The following NPHP4 variants were observed in gnomAD, a reference collection of about 807,000 sequenced individuals.
The protein encoded by NPHP4 is nephrocystin-4.
A neutral mutation model predicts 155.8 loss-of-function variants in NPHP4; 151 were observed. That is an observed-to-expected ratio of 0.97 (90% CI 0.85 to 1.11). The LOEUF is 1.11. NPHP4 is among the 50% of genes least tolerant of loss of function. NPHP4 has a pLI of 0.00. For missense variants in NPHP4, 1,956 were observed against 1,925.7 expected, an observed-to-expected ratio of 1.02 and a Z score of -0.29; for synonymous variants, 845 against 816.8, an observed-to-expected ratio of 1.03 and a Z score of -0.59.
intron 3 of NPHP4, among the ~76,000 whole-genome samples, chr1:5,972,966 C>T (rs1178683543): frequency 2.0e-5 from 3 of 152,172 alleles, no homozygotes; most frequent in South Asian, 4.2e-4. Context: ...CTCACTGCAA[C>T]CTCCACCCGC....
rs1000969578 is a variant in NPHP4, at chr1:5,867,897, C to G, written c.3316-1G>C. On this transcript the variant is annotated splice_acceptor_variant, in intron 23 of 29. Coordinates refer to ENST00000378156, the MANE Select transcript of NPHP4 (RefSeq NM_015102.5). LOFTEE classifies it high-confidence loss of function. The surrounding 1 kb of genome is among the most constrained non-coding windows in gnomAD (Gnocchi z 4.1). ...TGCCACCACTCGCTCGGAACAAGAC[C>G]TGTGAGGAGGCCACGCTGAGTGTTG... The G allele has an allele frequency of 6.2e-6, 10 of 1,614,004 alleles. No individual in the cohort carries two copies. Among genetic ancestry groups the G allele is most frequent in the Non-Finnish European group, 8.5e-6 (10 of 1,179,892 alleles).
intron 7 of NPHP4, among the ~76,000 whole-genome samples, chr1:5,948,532 G>A (rs565071074): frequency 1.2e-4 from 19 of 152,180 alleles, no homozygotes; most frequent in African/African-American, 3.9e-4. Flanking sequence ...CCCAAAACCC[G>A]ACACTAGCTT....
intron 6 of NPHP4, among the ~76,000 whole-genome samples, chr1:5,953,924 T>C (rs987131486): frequency 1.3e-5 from 2 of 152,164 alleles, no homozygotes; most frequent in African/African-American, 2.4e-5. Context: ...CTTTTACTTA[T>C]GTAGATATGT....
chr1:5,899,862 A>G lies in NPHP4; in HGVS notation c.2143+4755T>C, dbSNP rs1644585443. On this transcript the variant is annotated intron_variant, in intron 16 of 29. Coordinates refer to ENST00000378156, the MANE Select transcript of NPHP4 (RefSeq NM_015102.5). Reference sequence around the variant, plus strand: ...AACATTTGCAAAATACGTATCTGATAAAGGACTTGCATCCAAAATATAAAA... The same window carrying G: ...AACATTTGCAAAATACGTATCTGATGAAGGACTTGCATCCAAAATATAAAA... 1.3e-5 allele frequency among the ~76,000 whole-genome samples: 2 copies of G among 152,240 alleles called. 1 individual carries two copies. The highest frequency in any genetic ancestry group is 1.3e-4 in the Admixed American group (2 of 15,280).
At chr1:5,937,433 C>T (rs1052019499) in intron 9 of NPHP4, among the ~76,000 whole-genome samples, 2 of 152,240 alleles carry the variant, frequency 1.3e-5, no homozygotes, top group Admixed American at 6.5e-5. Flanking sequence ...TCAACCTGAA[C>T]TTACTTAGAC....
chr1:5,903,662 C>T (rs559957178), intron 16 of NPHP4, among the ~76,000 whole-genome samples: 67 of 152,306 alleles, frequency 4.4e-4, no homozygotes, highest in Middle Eastern at 3.4e-3. Context: ...CATGTAATTA[C>T]TTCAGAAATT....
At chr1:5,902,812 T>C in intron 16 of NPHP4, among the ~76,000 whole-genome samples, 1 of 152,244 alleles carries the variant, frequency 6.6e-6, no homozygotes, top group East Asian at 1.9e-4. Context: ...TAATTACGCA[T>C]TTCTATTTTG....
At chr1:5,941,651 TG>T (rs1274536583) in intron 9 of NPHP4, among the ~76,000 whole-genome samples, 3 of 152,242 alleles carry the variant, frequency 2.0e-5, no homozygotes, top group Non-Finnish European at 4.4e-5. Context: ...AAGCATCTTC[TG>T]AAGCCAGAAA....
At chr1:5,946,663 G>C (rs1647115500) in intron 9 of NPHP4, among the ~76,000 whole-genome samples, 1 of 152,234 alleles carries the variant, frequency 6.6e-6, no homozygotes, top group South Asian at 2.1e-4. Flanking sequence ...GACTGTGGCT[G>C]GTAGCCCCTA....
chr1:5,961,155 G>C (rs1277400979), intron 6 of NPHP4, among the ~76,000 whole-genome samples: 1 of 152,196 alleles, frequency 6.6e-6, no homozygotes, highest in African/African-American at 2.4e-5. Flanking sequence ...GGCCACTGAA[G>C]GACAAGGACT....
At chr1:5,927,110 A>G (rs1183430665) in intron 11 of NPHP4, among the ~76,000 whole-genome samples, 2 of 152,340 alleles carry the variant, frequency 1.3e-5, no homozygotes, top group Admixed American at 6.5e-5. Context: ...GACGGCCAAT[A>G]AGAACTCTTT....
intron 9 of NPHP4, among the ~76,000 whole-genome samples, chr1:5,942,028 A>G (rs1288961348): frequency 6.6e-6 from 1 of 152,184 alleles, no homozygotes; most frequent in Admixed American, 6.5e-5. Flanking sequence ...TATTAGCTGC[A>G]TGGAGGAAAA....
intron 16 of NPHP4, among the ~76,000 whole-genome samples, chr1:5,904,344 A>G (rs1644810952): frequency 6.6e-6 from 1 of 152,354 alleles, no homozygotes; most frequent in Admixed American, 6.5e-5. Flanking sequence ...GAGAATTCCT[A>G]ATTTTTTAGA....
intron 23 of NPHP4, chr1:5,868,525 C>T (rs1216392060): frequency 3.2e-5 from 7 of 220,500 alleles, no homozygotes; most frequent in South Asian, 1.4e-4. Flanking sequence ...CTCACACACA[C>T]GCACCCACAC....
At chr1:5,984,966 G>A (rs956140656) in intron 2 of NPHP4, among the ~76,000 whole-genome samples, 1 of 152,186 alleles carries the variant, frequency 6.6e-6, no homozygotes, top group Admixed American at 6.5e-5. Context: ...TAAAACGGGA[G>A]TAAGGTGGTG....
intron 11 of NPHP4, among the ~76,000 whole-genome samples, chr1:5,921,070 A>G (rs1472642868): frequency 6.6e-6 from 1 of 152,270 alleles, no homozygotes; most frequent in African/African-American, 2.4e-5. Flanking sequence ...CTAATATTCA[A>G]TAAGTATGCA....
intron 11 of NPHP4, among the ~76,000 whole-genome samples, chr1:5,915,148 G>C (rs576602402): frequency 6.6e-6 from 1 of 152,342 alleles, no homozygotes; most frequent in East Asian, 1.9e-4. Context: ...GGGGCAGCAC[G>C]CAGAGGCTGT....
intron 12 of NPHP4, 121 bp from the exon 13 acceptor site, chr1:5,907,343 G>T: frequency 1.8e-6 from 1 of 557,552 alleles, no homozygotes; most frequent in Non-Finnish European, 3.1e-6. Context: ...ACGGAAGGGA[G>T]TGATGCCTGC....
In NPHP4 at chr1:5,874,513, G is replaced by T. The variant is rs1247485658; in HGVS notation, c.3189C>A (p.Phe1063Leu). Residue 1063 changes from phenylalanine (F) to leucine (L), a missense_variant, in exon 22 of 30, where the codon TTC (phenylalanine) becomes TTA (leucine). By Grantham distance (22) the Phe-to-Leu change is conservative. Coordinates refer to ENST00000378156, the MANE Select transcript of NPHP4 (RefSeq NM_015102.5). ...LRPHETAHVP[F>L]KFQSFSAGQL... is the part of the protein sequence containing the mutation. ...GCCCTGCAGAGAAGCTCTGGAACTT[G>T]AAGGGGACGTGGGCGGTCTCGTGGG... 1 of 1,578,090 alleles carries T rather than the reference G, an allele frequency of 6.3e-7. No homozygotes were observed. Among genetic ancestry groups the T allele is most frequent in the Non-Finnish European group, 8.6e-7 (1 of 1,160,904 alleles).
Sources: allele counts gnomAD v4.1 joint callset (sites outside exome capture counted in the v4.1 genomes callset), GRCh38; gene constraint gnomAD v4.1.1; non-coding constraint Gnocchi (gnomAD v3.1); transcripts MANE v1.5; gene names NCBI Gene and HGNC (gene_info 2026-07-23, HGNC 2026-07-21).